Variants in RPH3AL observed in about 807,000 individuals in gnomAD.
RPH3AL encodes rab effector Noc2.
RPH3AL carries 38 observed loss-of-function variants against 43.1 expected under a neutral mutation model. That is an observed-to-expected ratio of 0.88 (90% CI 0.68 to 1.15). The LOEUF (loss-of-function observed/expected upper bound fraction) is 1.15, where lower values mean the gene tolerates loss of function less well. RPH3AL is among the 50% of genes most tolerant of loss of function. RPH3AL has a pLI of 0.00. For synonymous variants in RPH3AL, 189 were observed against 176.3 expected (o/e 1.07, Z -0.57); for missense variants, 462 against 423.2 (o/e 1.09, Z -0.81).
chr17:320,472 C>CA (rs113193446), intron 4 of RPH3AL, among the ~76,000 whole-genome samples: 14,775 of 151,364 alleles, frequency 0.098, 757 homozygotes, highest in Non-Finnish European at 0.11. Context: ...CCCATCTCTA[C>CA]AAAAAAAATA....
At chr17:330,356 G>A (rs187353726) in intron 2 of RPH3AL, among the ~76,000 whole-genome samples, 151 of 152,324 alleles carry the variant, frequency 9.9e-4, no homozygotes, top group African/African-American at 3.4e-3. Flanking sequence ...GATCACCCAG[G>A]ACCTCCTCAG....
Position 223,147 on chromosome 17 carries a change from G to A in RPH3AL, c.614-3411C>T, listed in dbSNP as rs563451366. On this transcript the variant is annotated intron_variant, in intron 7 of 9. Transcript: ENST00000331302. ...GGAGGTTGCAGTGAGCTGAGATTGC[G>A]CCACTGCACTCTAGCCTGGGTGACA... 4.2e-3 allele frequency among the ~76,000 whole-genome samples: 629 copies of A among 150,074 alleles called. 5 individuals carry two copies. Among genetic ancestry groups the A allele is most frequent in the African/African-American group, 9.1e-3 (372 of 40,762 alleles).
chr17:258,293 C>A (rs1018184594), intron 6 of RPH3AL, among the ~76,000 whole-genome samples: 2 of 152,194 alleles, frequency 1.3e-5, no homozygotes, highest in Middle Eastern at 3.2e-3. Context: ...CCTCACACAT[C>A]GTAGGTGTTC....
chr17:247,216 CA>C lies in RPH3AL; in HGVS notation c.507del (p.Gly170AlafsTer52). ...CGGAAGTGGGGGTCATCAGCTCGGC[CA>C]GGGGTCTTCAGGGGCAAGATATACT... ...LPKYILPLKT[P>X]GRADDPHFRP... On this transcript the variant is annotated frameshift_variant, in exon 7 of 10. Coordinates refer to ENST00000331302, the MANE Select transcript of RPH3AL (RefSeq NM_006987.4). LOFTEE classifies it high-confidence loss of function. 5 of 1,613,258 alleles carry C rather than the reference CA, an allele frequency of 3.1e-6. No homozygotes were observed. Among genetic ancestry groups the C allele is most frequent in the Non-Finnish European group, 4.2e-6 (5 of 1,179,594 alleles).
intron 5 of RPH3AL, among the ~76,000 whole-genome samples, chr17:298,540 T>C (rs1220149922): frequency 1.6e-5 from 2 of 121,284 alleles, no homozygotes; most frequent in Middle Eastern, 4.0e-3. Context: ...CTACTAAAAA[T>C]ACAAAAAAAA....
At chr17:269,554 C>T (rs564265765) in intron 6 of RPH3AL, among the ~76,000 whole-genome samples, 1 of 152,324 alleles carries the variant, frequency 6.6e-6, no homozygotes, top group African/African-American at 2.4e-5. Context: ...GAGGAAGACG[C>T]ATCCGGCTTC....
chr17:222,174 G>T lies in RPH3AL; in HGVS notation c.614-2438C>A, dbSNP rs567306753. 2.6e-5 allele frequency among the ~76,000 whole-genome samples: 4 copies of T among 152,238 alleles called. No individual in the cohort carries two copies. The East Asian group carries it at 5.8e-4, about 22-fold the overall frequency. ...TGACCCTTAGGGAGCATTCCAGGCA[G>T]TTTCCATGGACACATTCATTGAAGT... On this transcript the variant is annotated intron_variant, in intron 7 of 9. Transcript: ENST00000331302.
chr17:309,503 C>T (rs1300940798), intron 5 of RPH3AL, among the ~76,000 whole-genome samples: 1 of 150,420 alleles, frequency 6.6e-6, no homozygotes, highest in African/African-American at 2.5e-5. Flanking sequence ...CGGGATATGG[C>T]ATGTCCCCCG....
intron 5 of RPH3AL, among the ~76,000 whole-genome samples, chr17:286,436 G>C (rs1322959129): frequency 1.2e-5 from 1 of 81,324 alleles, no homozygotes; most frequent in Non-Finnish European, 2.6e-5. Context: ...TCTCTGGCTG[G>C]CAGGGGGCAG....
At chr17:301,480 T>A (rs886948869) in intron 5 of RPH3AL, among the ~76,000 whole-genome samples, 32 of 152,138 alleles carry the variant, frequency 2.1e-4, no homozygotes, top group African/African-American at 7.5e-4. Context: ...ATTTTTGTAT[T>A]TTTTTGTAGA....
chr17:238,589 G>A (rs2041458099), intron 7 of RPH3AL, among the ~76,000 whole-genome samples: 1 of 152,254 alleles, frequency 6.6e-6, no homozygotes. Context: ...ATGAGGGAAA[G>A]AGAAGAATTG....
intron 3 of RPH3AL, among the ~76,000 whole-genome samples, chr17:325,532 C>G (rs934546412): frequency 6.6e-5 from 10 of 152,154 alleles, no homozygotes; most frequent in African/African-American, 2.4e-4. Context: ...CCCCCCTACT[C>G]CCATCTAACA....
chr17:232,810 T>C (rs2041257901), intron 7 of RPH3AL, among the ~76,000 whole-genome samples: 1 of 151,304 alleles, frequency 6.6e-6, no homozygotes, highest in African/African-American at 2.4e-5. Flanking sequence ...CTTCCTTGTC[T>C]CTAAACAGTC....
At chr17:221,688 C>G (rs62059574) in intron 7 of RPH3AL, among the ~76,000 whole-genome samples, 14,889 of 116,256 alleles carry the variant, frequency 0.13, 141 homozygotes, top group South Asian at 0.17. Flanking sequence ...GAGGGCTCCA[C>G]TCACTGAGAC....
At chr17:240,927 G>A (rs1319476596) in intron 7 of RPH3AL, among the ~76,000 whole-genome samples, 2 of 151,778 alleles carry the variant, frequency 1.3e-5, no homozygotes, top group Admixed American at 6.6e-5. Flanking sequence ...GCGTGTAGCG[G>A]GCGCCTGTAG....
intron 6 of RPH3AL, among the ~76,000 whole-genome samples, chr17:270,050 C>A (rs1295392905): frequency 6.6e-6 from 1 of 152,132 alleles, no homozygotes; most frequent in Non-Finnish European, 1.5e-5. Flanking sequence ...GTCTCTCTGG[C>A]AGAGCCACAG....
In RPH3AL at chr17:215,794, C is replaced by G; in HGVS notation, c.736G>C (p.Val246Leu). Residue 246 changes from valine (V) to leucine (L), a missense_variant, in exon 9 of 10, where the codon GTG becomes CTG. By Grantham distance (32) the Val-to-Leu change is conservative. Transcript: ENST00000331302. The surrounding 1 kb of genome is among the most constrained non-coding windows in gnomAD (Gnocchi z 4.1). ...DKPWKESGGSVEAPRMGFTHP... is the reference protein window; with the variant it reads ...DKPWKESGGSLEAPRMGFTHP... ...GTGAACCCCATCCTGGGGGCCTCCA[C>G]GCTGCCACCTGTGGGAAATCACGTG... 1 of 1,299,894 alleles carries G rather than the reference C, an allele frequency of 7.7e-7. No individual in the cohort carries two copies. The highest frequency in any genetic ancestry group is 9.8e-7 in the Non-Finnish European group (1 of 1,020,482). The allele number at this position is 1,299,894 out of a possible 1,614,324, so 80.5% of individuals were successfully genotyped here. A position where few individuals can be genotyped will look rare whatever the true frequency, so the allele number is the denominator to read the frequency against.
Position 283,737 on chromosome 17 carries a change from C to G in RPH3AL, c.352-1883G>C, listed in dbSNP as rs967370079. Among the ~76,000 whole-genome samples the G allele has an allele frequency of 6.6e-6, 1 of 152,182 alleles. No homozygotes were observed. Among genetic ancestry groups the G allele is most frequent in the Admixed American group, 6.5e-5 (1 of 15,284 alleles). On this transcript the variant is annotated intron_variant, in intron 5 of 9. Transcript: ENST00000331302. This position sits in a 1 kb window ranked among gnomAD's most constrained non-coding sequence, Gnocchi z 4.2. The stretch of plus-strand genomic sequence containing the variant: ...GGATCATTGCTAGGCTGGGCTTCAG[C>G]CCTTCCAAGGACCAGTAGCCTGTCT...
chr17:332,858 G>C, intron 2 of RPH3AL: 1 of 487,844 alleles, frequency 2.0e-6, no homozygotes, highest in South Asian at 2.0e-5. Context: ...GCAGCACTCG[G>C]GCTGGCCGGC....
Sources: allele counts gnomAD v4.1 joint callset (sites outside exome capture counted in the v4.1 genomes callset), GRCh38; gene constraint gnomAD v4.1.1; non-coding constraint Gnocchi (gnomAD v3.1); transcripts MANE v1.5; gene names NCBI Gene and HGNC (gene_info 2026-07-23, HGNC 2026-07-21).